ATPSCKMT: variants seen among roughly 807,000 people sequenced by gnomAD.
ATPSCKMT encodes ATP synthase subunit C lysine N-methyltransferase.
A neutral mutation model predicts 24.3 loss-of-function variants in ATPSCKMT; 24 were observed. The observed-to-expected ratio is 0.99, with a 90% confidence interval of 0.71 to 1.39. The LOEUF is 1.39. ATPSCKMT is among the 40% of genes most tolerant of loss of function. ATPSCKMT has a pLI of 0.00. For missense variants in ATPSCKMT, 311 were observed against 298.4 expected (o/e 1.04, Z -0.31); for synonymous variants, 95 against 110.5 (o/e 0.86, Z 0.88).
intron 3 of ATPSCKMT, among the ~76,000 whole-genome samples, chr5:10,235,480 G>A (rs577680926): frequency 2.6e-5 from 4 of 152,182 alleles, no homozygotes; most frequent in South Asian, 2.1e-4. Flanking sequence ...TTTTCCAAAC[G>A]CTTCCCTGTA....
chr5:10,227,667 T>A lies in ATPSCKMT; in HGVS notation c.496-20A>T, dbSNP rs1425894146. Reference sequence around the variant, plus strand: ...CAGCATCTGTGGAGAGTAACAGCTATTATTTTAGTGAGCAGTGAGTCAGAG... The same window carrying A: ...CAGCATCTGTGGAGAGTAACAGCTAATATTTTAGTGAGCAGTGAGTCAGAG... On this transcript the variant is annotated intron_variant, in intron 4 of 4. Transcript: ENST00000511437. 2 of 1,612,430 alleles carry A rather than the reference T, an allele frequency of 1.2e-6. No individual in the cohort carries two copies. The highest frequency in any genetic ancestry group is 3.3e-5 in the Admixed American group (2 of 59,844).
At chr5:10,248,688 A>T (rs1745085946) in intron 1 of ATPSCKMT, among the ~76,000 whole-genome samples, 1 of 152,234 alleles carries the variant, frequency 6.6e-6, no homozygotes, top group Admixed American at 6.5e-5. Flanking sequence ...ATGGGAACAC[A>T]GTCGCCAAGT....
rs1744865843 is a variant in ATPSCKMT, at chr5:10,245,363, T to C, written c.16+4495A>G. The stretch of plus-strand genomic sequence containing the variant: ...TGAACCTGGAAGGCGGAGTTTGCAG[T>C]GATCCGAGACCGCGCCACTGCACTC... On this transcript the variant is annotated intron_variant, in intron 1 of 4. Coordinates refer to ENST00000511437, the MANE Select transcript of ATPSCKMT (RefSeq NM_199133.4). Among the ~76,000 whole-genome samples the C allele has an allele frequency of 2.0e-5, 3 of 152,098 alleles. No homozygotes were observed. The South Asian group carries it at 6.2e-4, about 32-fold the overall frequency.
At chr5:10,236,880 C>T (rs1561029526) in intron 2 of ATPSCKMT, 3 of 1,431,438 alleles carry the variant, frequency 2.1e-6, no homozygotes, top group Non-Finnish European at 2.8e-6. Context: ...TGGAACACCT[C>T]CATAATTGAT....
At chr5:10,232,212 GA>G (rs564908156) in intron 4 of ATPSCKMT, among the ~76,000 whole-genome samples, 26 of 149,004 alleles carry the variant, frequency 1.7e-4, no homozygotes, top group East Asian at 9.8e-4. Context: ...TCAAAAAAAA[GA>G]AAAAAAAAAT....
chr5:10,245,100 T>C (rs1744841164), intron 1 of ATPSCKMT, among the ~76,000 whole-genome samples: 2 of 152,116 alleles, frequency 1.3e-5, no homozygotes, highest in Admixed American at 6.6e-5. Flanking sequence ...GGTTTTCTCC[T>C]CAGTAAAATT....
chr5:10,236,769 T>C (rs1354853024), intron 2 of ATPSCKMT, 154 bp from the exon 3 acceptor site: 4 of 1,465,466 alleles, frequency 2.7e-6, no homozygotes, highest in Non-Finnish European at 3.6e-6. Flanking sequence ...TCTAAAGCGA[T>C]ATAGCTTTGT....
intron 1 of ATPSCKMT, chr5:10,248,407 A>C (rs917702347): frequency 2.0e-5 from 3 of 152,252 alleles, no homozygotes; most frequent in Non-Finnish European, 2.9e-5. Context: ...ATTTTTAATG[A>C]GGAAACACTG....
intron 4 of ATPSCKMT, among the ~76,000 whole-genome samples, chr5:10,228,427 T>G (rs986906999): frequency 5.3e-5 from 8 of 152,216 alleles, no homozygotes; most frequent in Non-Finnish European, 1.5e-5. Context: ...GTTGTACCAT[T>G]TTATTATCAA....
chr5:10,242,054 G>C (rs931255091), intron 1 of ATPSCKMT, among the ~76,000 whole-genome samples: 1 of 152,204 alleles, frequency 6.6e-6, no homozygotes, highest in Non-Finnish European at 1.5e-5. Context: ...CACTGGTGTA[G>C]GATCTGGCCT....
intron 4 of ATPSCKMT, among the ~76,000 whole-genome samples, chr5:10,231,316 C>A (rs1479230764): frequency 6.6e-6 from 1 of 152,160 alleles, no homozygotes; most frequent in Non-Finnish European, 1.5e-5. Flanking sequence ...TTCTCACCAG[C>A]TACTCCGTGG....
chr5:10,247,275 G>A (rs960039416), intron 1 of ATPSCKMT, among the ~76,000 whole-genome samples: 2 of 152,216 alleles, frequency 1.3e-5, no homozygotes, highest in African/African-American at 4.8e-5. Flanking sequence ...TTTGGAAGAA[G>A]TTACTATGTA....
chr5:10,237,904 G>C (rs918028799), intron 2 of ATPSCKMT, among the ~76,000 whole-genome samples: 2 of 152,022 alleles, frequency 1.3e-5, no homozygotes, highest in African/African-American at 2.4e-5. Context: ...GCACCATCAT[G>C]CCTGGCTAAT....
At position 10,231,582 on chromosome 5, in the gene ATPSCKMT, C is replaced by T. The variant is rs535943933; in HGVS notation, c.495+3629G>A. ...CCGAGGCGCTCTTCCCTGCACGCCC[C>T]CTCCCTAACCTCAGAGGTCACCTTT... On this transcript the variant is annotated intron_variant, in intron 4 of 4. Coordinates refer to ENST00000511437, the MANE Select transcript of ATPSCKMT (RefSeq NM_199133.4). Among the ~76,000 whole-genome samples the T allele has an allele frequency of 3.3e-5, 5 of 152,104 alleles. No homozygotes were observed. In the South Asian group the frequency reaches 1.0e-3, roughly 32 times the overall value.
rs1016168805 is a variant in ATPSCKMT at position 10,226,534 on chromosome 5, T to A, written c.*907A>T. On this transcript the variant is annotated 3_prime_UTR_variant, in exon 5 of 5. Transcript: ENST00000511437. ...ACTCACGTTCAAAGGTTTTCCTTAATTCGTCTTTTATCTAAATCAGTCAAG... is the reference window on the plus strand; with the variant it reads ...ACTCACGTTCAAAGGTTTTCCTTAAATCGTCTTTTATCTAAATCAGTCAAG... The A allele has an allele frequency of 6.6e-6, 1 of 152,246 alleles. No homozygotes were observed. The highest frequency in any genetic ancestry group is 1.5e-5 in the Non-Finnish European group (1 of 68,036). The allele number at this position is 152,246 out of a possible 1,614,324, so 9.4% of individuals were successfully genotyped here.
chr5:10,249,712 TCACCGAAGGC>T (rs540301217), intron 1 of ATPSCKMT, 136 bp downstream of exon 1: 318 of 1,303,110 alleles, frequency 2.4e-4, no homozygotes, highest in Non-Finnish European at 7.2e-6. Flanking sequence ...GGAGCTCTGG[TCACCGAAGGC>T]CAGGCTGGAG....
Position 10,227,267 on chromosome 5 carries a change from G to C in ATPSCKMT, c.*174C>G, listed in dbSNP as rs1579415723. The C allele has an allele frequency of 7.3e-6, 5 of 681,184 alleles. No homozygotes were observed. Among genetic ancestry groups the C allele is most frequent in the Non-Finnish European group, 1.2e-5 (5 of 415,564 alleles). 42.2% of individuals were successfully genotyped at this position (681,184 alleles called of 1,614,324 possible). A position where few individuals can be genotyped will look rare whatever the true frequency, so the allele number is the denominator to read the frequency against. ...TTTTAAGAAAATAGCATCAAAAGCAGATTTTAAATCTACCTGTTTTTCTTC... is the reference window on the plus strand; with the variant it reads ...TTTTAAGAAAATAGCATCAAAAGCACATTTTAAATCTACCTGTTTTTCTTC... On this transcript the variant is annotated 3_prime_UTR_variant, in exon 5 of 5. Coordinates refer to ENST00000511437, the MANE Select transcript of ATPSCKMT (RefSeq NM_199133.4).
chr5:10,240,902 AG>A (rs1365429389), intron 1 of ATPSCKMT, among the ~76,000 whole-genome samples: 1 of 151,784 alleles, frequency 6.6e-6, no homozygotes, highest in Non-Finnish European at 1.5e-5. Flanking sequence ...AGGCTGAGGC[AG>A]GAGAATCGCT....
chr5:10,241,670 C>G (rs1478560378), intron 1 of ATPSCKMT, among the ~76,000 whole-genome samples: 1 of 152,164 alleles, frequency 6.6e-6, no homozygotes, highest in Non-Finnish European at 1.5e-5. Flanking sequence ...AAGGTGATGG[C>G]ATTTGATAGA....
Sources: gnomAD v4.1 joint callset for allele counts (sites outside exome capture counted in the v4.1 genomes callset) on GRCh38, gnomAD v4.1.1 for gene constraint, MANE v1.5 for transcripts, NCBI Gene and HGNC (gene_info 2026-07-23, HGNC 2026-07-21) for gene names.